The following EPOP variants were observed in gnomAD, a reference collection of about 807,000 sequenced individuals.
EPOP encodes the protein elongin BC and polycomb repressive complex 2 associated protein.
In EPOP, 14 loss-of-function variants were observed where a neutral mutation model predicts 18.2. The ratio of observed to expected loss-of-function variants is 0.77; its 90% CI spans 0.51 to 1.20. The LOEUF is 1.20. Ranked by LOEUF, EPOP falls within the 50% of genes most tolerant of loss-of-function variation. The probability of loss-of-function intolerance (pLI) is 0.00; values close to 1 mark genes in which losing one functional copy is unlikely to be tolerated. For synonymous variants in EPOP, 252 were observed against 274.9 expected (o/e 0.92, Z 0.83); for missense variants, 527 against 577.2 (o/e 0.91, Z 0.89).
In EPOP at chr17:38,671,730, T is replaced by C. The variant is rs1373307370; in HGVS notation, c.*1626A>G. On this transcript the variant is annotated 3_prime_UTR_variant, in exon 1 of 1. Coordinates refer to ENST00000621654, the MANE Select transcript of EPOP (RefSeq NM_001130677.2). The stretch of plus-strand genomic sequence containing the variant: ...TTTAAAACAAACAAAACTTTTATGG[T>C]CCAAAACAGTTTTTCTCAAGAATCT... The C allele has an allele frequency of 6.8e-6, 1 of 147,324 alleles. No homozygotes were observed. The allele number at this position is 147,324 out of a possible 1,614,324, so 9.1% of individuals were successfully genotyped here. A position where few individuals can be genotyped will look rare whatever the true frequency, so the allele number is the denominator to read the frequency against.
In EPOP at chr17:38,673,063, C is replaced by G. The variant is rs1354608013; in HGVS notation, c.*293G>C. 2 of 374,512 alleles carry G rather than the reference C, an allele frequency of 5.3e-6. No individual in the cohort carries two copies. Among genetic ancestry groups the G allele is most frequent in the African/African-American group, 4.2e-5 (2 of 47,872 alleles). The allele number at this position is 374,512 out of a possible 1,614,324, so 23.2% of individuals were successfully genotyped here. A position where few individuals can be genotyped will look rare whatever the true frequency, so the allele number is the denominator to read the frequency against. The stretch of plus-strand genomic sequence containing the variant: ...TGAGCGGTGGCCTCCTTTGCTCCCA[C>G]TGGGGTGCAGGCCCTGCCTCCAACG... On this transcript the variant is annotated 3_prime_UTR_variant, in exon 1 of 1. Coordinates refer to ENST00000621654, the MANE Select transcript of EPOP (RefSeq NM_001130677.2).
rs956071079 is a variant in EPOP at position 38,673,604 on chromosome 17, C to G, written c.892G>C (p.Ala298Pro). ...RRLPAPPPRTAQPRRPAPTLP... is the reference protein window; with the variant it reads ...RRLPAPPPRTPQPRRPAPTLP... ...GTCGGTGCAGGGCGGCGGGGCTGCG[C>G]GGTGCGCGGAGGGGGCGCCGGCAGC... Residue 298 changes from alanine to proline, a missense_variant, in exon 1 of 1, where the codon GCG (alanine) becomes CCG (proline). By Grantham distance (27) the Ala-to-Pro change is conservative. Coordinates refer to ENST00000621654, the MANE Select transcript of EPOP (RefSeq NM_001130677.2). 6.7e-7 allele frequency: 1 copy of G among 1,493,996 alleles called. No homozygotes were observed. The highest frequency in any genetic ancestry group is 1.5e-5 in the African/African-American group (1 of 68,300). 92.5% of individuals were successfully genotyped at this position (1,493,996 alleles called of 1,614,324 possible).
In EPOP at chr17:38,672,572, AG is replaced by A. The variant is rs1399922333; in HGVS notation, c.*783del. On this transcript the variant is annotated 3_prime_UTR_variant, in exon 1 of 1. Transcript: ENST00000621654. ...AGGTCCCTCAGCCCTACCCGTCCTA[AG>A]GGAAGTAAGTTGGGGGAGGGGGCTG... 1 of 152,210 alleles carries A rather than the reference AG, an allele frequency of 6.6e-6. No individual in the cohort carries two copies. The highest frequency in any genetic ancestry group is 1.5e-5 in the Non-Finnish European group (1 of 68,082). The allele number at this position is 152,210 out of a possible 1,614,324, so 9.4% of individuals were successfully genotyped here. A position where few individuals can be genotyped will look rare whatever the true frequency, so the allele number is the denominator to read the frequency against.
rs1158825240 is a variant in EPOP, at chr17:38,674,305, G to A, written c.191C>T (p.Ala64Val). 1.3e-6 allele frequency: 2 copies of A among 1,524,234 alleles called. No homozygotes were observed. The highest frequency in any genetic ancestry group is 2.8e-5 in the African/African-American group (2 of 70,934). The allele number at this position is 1,524,234 out of a possible 1,614,324, so 94.4% of individuals were successfully genotyped here. A position where few individuals can be genotyped will look rare whatever the true frequency, so the allele number is the denominator to read the frequency against. The change falls in exon 1 of 1, where the codon GCG becomes GTG. Residue 64 changes from alanine to valine, a missense_variant. Ala to Val is a moderately conservative substitution (Grantham distance 64, BLOSUM62 0). Coordinates refer to ENST00000621654, the MANE Select transcript of EPOP (RefSeq NM_001130677.2). This position sits in a 1 kb window ranked among gnomAD's most constrained non-coding sequence, Gnocchi z 4.5. ...GCCCCGCAGCACTGGGGACCGCGCC[G>A]CCAGCTCCCCAGGCCCCGGGCCCAG... ...SSLGPGPGEL[A>V]ARSPVLRGPQ...
In EPOP at chr17:38,673,498, A is replaced by G; in HGVS notation, c.998T>C (p.Leu333Pro). The G allele has an allele frequency of 6.5e-7, 1 of 1,534,086 alleles. No homozygotes were observed. Among genetic ancestry groups the G allele is most frequent in the East Asian group, 2.5e-5 (1 of 40,176 alleles). ...PALVVGEDGD[L>P]KPASSLRLQG... ...GAGGCGAAGCGAGGATGCCGGCTTT[A>G]GGTCTCCGTCTTCCCCCACCACCAG... Residue 333 changes from leucine to proline, a missense_variant, in exon 1 of 1, where the codon CTA becomes CCA. Leu to Pro is a moderately conservative substitution (Grantham distance 98). Coordinates refer to ENST00000621654, the MANE Select transcript of EPOP (RefSeq NM_001130677.2).
Position 38,674,572 on chromosome 17 carries a change from G to A in EPOP, c.-77C>T. 1 of 1,364,200 alleles carries A rather than the reference G, an allele frequency of 7.3e-7. No individual in the cohort carries two copies. The highest frequency in any genetic ancestry group is 9.6e-7 in the Non-Finnish European group (1 of 1,045,594). 84.5% of individuals were successfully genotyped at this position (1,364,200 alleles called of 1,614,324 possible). Reference sequence around the variant, plus strand: ...TGCCCTGGCTGCCCGAAGAGCCCACGGGTGAGGGGAACATCGCCCCCCGTC... The same window carrying A: ...TGCCCTGGCTGCCCGAAGAGCCCACAGGTGAGGGGAACATCGCCCCCCGTC... On this transcript the variant is annotated 5_prime_UTR_variant, in exon 1 of 1. Transcript: ENST00000621654. The surrounding 1 kb of genome is among the most constrained non-coding windows in gnomAD (Gnocchi z 4.5).
At position 38,674,483 on chromosome 17, in the gene EPOP, A is replaced by C; in HGVS notation, c.13T>G (p.Cys5Gly). METLCPAPRLAVPAS... is the reference protein window; with the variant it reads METLGPAPRLAVPAS... ...GGCACTGCCAGGCGGGGCGCAGGGCACAGGGTCTCCATGGAGCAGCCTGAG... is the reference window on the plus strand; with the variant it reads ...GGCACTGCCAGGCGGGGCGCAGGGCCCAGGGTCTCCATGGAGCAGCCTGAG... Residue 5 changes from cysteine to glycine, a missense_variant, in exon 1 of 1, where the codon TGC becomes GGC. Transcript: ENST00000621654. The surrounding 1 kb of genome is among the most constrained non-coding windows in gnomAD (Gnocchi z 4.5). The C allele has an allele frequency of 1.3e-6, 2 of 1,534,208 alleles. No homozygotes were observed. The highest frequency in any genetic ancestry group is 1.7e-6 in the Non-Finnish European group (2 of 1,144,298).
rs371257139 is a variant in EPOP at position 38,671,882 on chromosome 17, G to A, written c.*1474C>T. 1 of 152,158 alleles carries A rather than the reference G, an allele frequency of 6.6e-6. No homozygotes were observed. Among genetic ancestry groups the A allele is most frequent in the African/African-American group, 2.4e-5 (1 of 41,430 alleles). The allele number at this position is 152,158 out of a possible 1,614,324, so 9.4% of individuals were successfully genotyped here. A position where few individuals can be genotyped will look rare whatever the true frequency, so the allele number is the denominator to read the frequency against. ...GGGGAAGAGGGGGCGCTATTCACTA[G>A]TGCGGGATGGAAGGCGCACTGGGTC... is the stretch of plus-strand genomic sequence containing the variant. On this transcript the variant is annotated 3_prime_UTR_variant, in exon 1 of 1. Transcript: ENST00000621654.
At position 38,673,476 on chromosome 17, in the gene EPOP, G is replaced by A; in HGVS notation, c.1020C>T (p.Arg340=). The stretch of plus-strand genomic sequence containing the variant: ...GCGGGGGCTTAGAGTCTCCCTGGAG[G>A]CGAAGCGAGGATGCCGGCTTTAGGT... ...DGDLKPASSL[R]LQGDSKPPPA... The change falls in exon 1 of 1, where the codon CGC becomes CGT. Residue 340 remains arginine (R), a synonymous_variant. Coordinates refer to ENST00000621654, the MANE Select transcript of EPOP (RefSeq NM_001130677.2). 1.3e-6 allele frequency: 2 copies of A among 1,536,894 alleles called. No homozygotes were observed. The highest frequency in any genetic ancestry group is 1.2e-5 in the South Asian group (1 of 82,752).
At position 38,673,776 on chromosome 17, in the gene EPOP, G is replaced by A; in HGVS notation, c.720C>T (p.Leu240=). The A allele has an allele frequency of 6.6e-7, 1 of 1,521,624 alleles. No individual in the cohort carries two copies. The highest frequency in any genetic ancestry group is 2.7e-5 in the East Asian group (1 of 36,640). 94.3% of individuals were successfully genotyped at this position (1,521,624 alleles called of 1,614,324 possible). Residue 240 remains leucine (L), a synonymous_variant, in exon 1 of 1, where the codon CTC becomes CTT. Coordinates refer to ENST00000621654, the MANE Select transcript of EPOP (RefSeq NM_001130677.2). ...ASPAPAAPGD[L]RQEHFDRLIR... ...TCAGACGATCGAAATGTTCCTGGCG[G>A]AGATCTCCGGGTGCGGCCGGAGCCG...
chr17:38,672,832 TGGAGCGTTAGGGAAGGCCTGAGG>T lies in EPOP; in HGVS notation c.*501_*523del, dbSNP rs1447112288. The T allele has an allele frequency of 6.6e-6, 1 of 152,570 alleles. No homozygotes were observed. Among genetic ancestry groups the T allele is most frequent in the South Asian group, 2.1e-4 (1 of 4,836 alleles). 9.5% of individuals were successfully genotyped at this position (152,570 alleles called of 1,614,324 possible). On this transcript the variant is annotated 3_prime_UTR_variant, in exon 1 of 1. Transcript: ENST00000621654. ...ACCCATTAAAGGCTCCAGCGGTGCTTGGAGCGTTAGGGAAGGCCTGAGGGGAGCAAAGGGTTAAAGGCCTGGAC... is the reference window on the plus strand; with the variant it reads ...ACCCATTAAAGGCTCCAGCGGTGCTTGGAGCAAAGGGTTAAAGGCCTGGAC...
In EPOP at chr17:38,674,612, T is replaced by G; in HGVS notation, c.-117A>C. 9.0e-7 allele frequency: 1 copy of G among 1,105,336 alleles called. No homozygotes were observed. The highest frequency in any genetic ancestry group is 1.2e-6 in the Non-Finnish European group (1 of 827,710). The allele number at this position is 1,105,336 out of a possible 1,614,324, so 68.5% of individuals were successfully genotyped here. A position where few individuals can be genotyped will look rare whatever the true frequency, so the allele number is the denominator to read the frequency against. On this transcript the variant is annotated 5_prime_UTR_variant, in exon 1 of 1. Transcript: ENST00000621654. The surrounding 1 kb of genome is among the most constrained non-coding windows in gnomAD (Gnocchi z 4.5). ...CGCCCCCCGTCGACGGGGAGGTCTC[T>G]GCTCACGGGCGCCCCCGGCCCGCCA...
At position 38,674,471 on chromosome 17, in the gene EPOP, GGGGCGCA is replaced by G. The variant is rs1567911060; in HGVS notation, c.18_24del (p.Pro8TrpfsTer78). The G allele has an allele frequency of 6.5e-7, 1 of 1,536,696 alleles. No homozygotes were observed. Among genetic ancestry groups the G allele is most frequent in the East Asian group, 2.5e-5 (1 of 40,710 alleles). ...CGCGGGGACGCCGGCACTGCCAGGC[GGGGCGCA>G]GGGCACAGGGTCTCCATGGAGCAGC... On this transcript the variant is annotated frameshift_variant, in exon 1 of 1. Coordinates refer to ENST00000621654, the MANE Select transcript of EPOP (RefSeq NM_001130677.2). LOFTEE classifies it high-confidence loss of function. This position sits in a 1 kb window ranked among gnomAD's most constrained non-coding sequence, Gnocchi z 4.5.
At position 38,674,173 on chromosome 17, in the gene EPOP, G is replaced by A; in HGVS notation, c.323C>T (p.Ala108Val). ...GVPNTAAGED[A>V]DVAACPRRGE... ...GCGGCGGGGGCACGCTGCGACGTCC[G>A]CATCCTCGCCGGCGGCGGTGTTAGG... The change falls in exon 1 of 1, where the codon GCG (alanine) becomes GTG (valine). Residue 108 changes from alanine to valine, a missense_variant. By Grantham distance (64) the Ala-to-Val change is moderately conservative (BLOSUM62 0). Coordinates refer to ENST00000621654, the MANE Select transcript of EPOP (RefSeq NM_001130677.2). This position sits in a 1 kb window ranked among gnomAD's most constrained non-coding sequence, Gnocchi z 4.5. The A allele has an allele frequency of 7.0e-7, 1 of 1,424,336 alleles. No individual in the cohort carries two copies. The highest frequency in any genetic ancestry group is 1.5e-5 in the South Asian group (1 of 66,554). The allele number at this position is 1,424,336 out of a possible 1,614,324, so 88.2% of individuals were successfully genotyped here. A position where few individuals can be genotyped will look rare whatever the true frequency, so the allele number is the denominator to read the frequency against.
chr17:38,671,951 A>C lies in EPOP; in HGVS notation c.*1405T>G, dbSNP rs1173277706. 1 of 151,752 alleles carries C rather than the reference A, an allele frequency of 6.6e-6. No homozygotes were observed. 9.4% of individuals were successfully genotyped at this position (151,752 alleles called of 1,614,324 possible). On this transcript the variant is annotated 3_prime_UTR_variant, in exon 1 of 1. Coordinates refer to ENST00000621654, the MANE Select transcript of EPOP (RefSeq NM_001130677.2). ...TCCAAAAGCCCCAGCTTCCCTTCAT[A>C]CCTCAACTTGCCATCTCCCTAAGAC...
rs1487842380 is a variant in EPOP, at chr17:38,673,935, C to T, written c.561G>A (p.Ala187=). Residue 187 remains alanine (A), a synonymous_variant, in exon 1 of 1, where the codon GCG becomes GCA. Coordinates refer to ENST00000621654, the MANE Select transcript of EPOP (RefSeq NM_001130677.2). ...EPSSRPPSPP[A]GLSTEPAGPG... Reference sequence around the variant, plus strand: ...GACCCGCGGGCTCGGTGGAGAGGCCCGCAGGTGGCGACGGAGGCCGGGAAC... The same window carrying T: ...GACCCGCGGGCTCGGTGGAGAGGCCTGCAGGTGGCGACGGAGGCCGGGAAC... The T allele has an allele frequency of 4.3e-6, 6 of 1,399,946 alleles. No individual in the cohort carries two copies. In the East Asian group the frequency reaches 1.8e-4, roughly 42 times the overall value. 86.7% of individuals were successfully genotyped at this position (1,399,946 alleles called of 1,614,324 possible).
chr17:38,674,856 C>A lies in EPOP; in HGVS notation c.-361G>T, dbSNP rs1459022213. 1 of 185,344 alleles carries A rather than the reference C, an allele frequency of 5.4e-6. No homozygotes were observed. The allele number at this position is 185,344 out of a possible 1,614,324, so 11.5% of individuals were successfully genotyped here. On this transcript the variant is annotated 5_prime_UTR_variant, in exon 1 of 1. Transcript: ENST00000621654. This position sits in a 1 kb window ranked among gnomAD's most constrained non-coding sequence, Gnocchi z 4.5. ...CGCGGGAGGCGGGAAGGACCCCGGG[C>A]CCGGCACCCGGTGCCCGGGCCCAGG...
chr17:38,673,481 G>T lies in EPOP; in HGVS notation c.1015C>A (p.Leu339Ile), dbSNP rs1409901557. Residue 339 changes from leucine (L) to isoleucine (I), a missense_variant, in exon 1 of 1, where the codon CTT becomes ATT. Transcript: ENST00000621654. Reference protein sequence around the residue: ...EDGDLKPASSLRLQGDSKPPP... With the variant: ...EDGDLKPASSIRLQGDSKPPP... ...GGCTTAGAGTCTCCCTGGAGGCGAAGCGAGGATGCCGGCTTTAGGTCTCCG... is the reference window on the plus strand; with the variant it reads ...GGCTTAGAGTCTCCCTGGAGGCGAATCGAGGATGCCGGCTTTAGGTCTCCG... 1 of 1,536,842 alleles carries T rather than the reference G, an allele frequency of 6.5e-7. No individual in the cohort carries two copies. Among genetic ancestry groups the T allele is most frequent in the Admixed American group, 2.0e-5 (1 of 50,018 alleles).
In EPOP at chr17:38,673,303, G is replaced by C; in HGVS notation, c.*53C>G. 1 of 1,463,648 alleles carries C rather than the reference G, an allele frequency of 6.8e-7. No homozygotes were observed. Among genetic ancestry groups the C allele is most frequent in the African/African-American group, 1.5e-5 (1 of 68,114 alleles). The allele number at this position is 1,463,648 out of a possible 1,614,324, so 90.7% of individuals were successfully genotyped here. A position where few individuals can be genotyped will look rare whatever the true frequency, so the allele number is the denominator to read the frequency against. Reference sequence around the variant, plus strand: ...GTGAGAAACGGGGCTCCCTCCTCAAGCCCGCGGTTTGGCCATGGTCCCAAC... The same window carrying C: ...GTGAGAAACGGGGCTCCCTCCTCAACCCCGCGGTTTGGCCATGGTCCCAAC... On this transcript the variant is annotated 3_prime_UTR_variant, in exon 1 of 1. Coordinates refer to ENST00000621654, the MANE Select transcript of EPOP (RefSeq NM_001130677.2).
Sources: allele counts gnomAD v4.1 joint callset, GRCh38; gene constraint gnomAD v4.1.1; non-coding constraint Gnocchi (gnomAD v3.1); transcripts MANE v1.5; gene names NCBI Gene and HGNC (gene_info 2026-07-23, HGNC 2026-07-21).